Variants in IRF2 observed in about 807,000 individuals in gnomAD.
The protein encoded by IRF2 is interferon regulatory factor 2.
A neutral mutation model predicts 40.6 loss-of-function variants in IRF2; 15 were observed. The observed-to-expected ratio is 0.37, with a 90% CI of 0.25 to 0.57. The LOEUF (loss-of-function observed/expected upper bound fraction) is 0.57. Among genes scored for constraint, IRF2 ranks in the 20% least tolerant of loss-of-function variants. The pLI, the probability that IRF2 is intolerant of heterozygous loss-of-function variation, is 0.77. For missense variants in IRF2, 317 were observed against 455.7 expected, an observed-to-expected ratio of 0.70 and a Z score of 2.77; for synonymous variants, 151 against 165.5, an observed-to-expected ratio of 0.91 and a Z score of 0.67.
At chr4:184,456,110 A>G (rs573621744) in intron 1 of IRF2, among the ~76,000 whole-genome samples, 12 of 152,278 alleles carry the variant, frequency 7.9e-5, no homozygotes, top group African/African-American at 2.9e-4. Context: ...ACCATCACTG[A>G]TCACACTGAT....
chr4:184,443,783 C>A (rs2149910143), intron 1 of IRF2, among the ~76,000 whole-genome samples: 1 of 152,194 alleles, frequency 6.6e-6, no homozygotes, highest in Non-Finnish European at 1.5e-5. Flanking sequence ...TTTGAGAAAT[C>A]CAGGAGACAG....
chr4:184,407,221 T>C (rs1229608505), intron 6 of IRF2: 2 of 1,289,256 alleles, frequency 1.6e-6, no homozygotes, highest in Non-Finnish European at 2.0e-6. Context: ...CAATTCAGCA[T>C]GCTGCTGGCT....
intron 1 of IRF2, among the ~76,000 whole-genome samples, chr4:184,431,670 T>G (rs1034889698): frequency 4.0e-5 from 6 of 151,728 alleles, no homozygotes; most frequent in African/African-American, 1.2e-4. Context: ...TGGTCACGAG[T>G]AGAGAGCAAC....
chr4:184,424,683 T>C (rs1391832615), intron 2 of IRF2, among the ~76,000 whole-genome samples: 2 of 152,226 alleles, frequency 1.3e-5, no homozygotes, highest in Non-Finnish European at 2.9e-5. Context: ...CCTCCATAAC[T>C]GTAAGAAATA....
At chr4:184,390,660 C>A in intron 8 of IRF2, 43 bp downstream of exon 8, 1 of 1,606,228 alleles carries the variant, frequency 6.2e-7, no homozygotes. Flanking sequence ...GGTCGGGAGG[C>A]TTTTCCTTGG....
intron 7 of IRF2, among the ~76,000 whole-genome samples, chr4:184,395,193 C>A (rs943982772): frequency 6.6e-6 from 1 of 151,928 alleles, no homozygotes; most frequent in African/African-American, 2.4e-5. Context: ...GGGTGGATCA[C>A]GAGGTCAGGA....
chr4:184,422,803 G>T (rs777891094), intron 2 of IRF2, among the ~76,000 whole-genome samples: 16 of 152,168 alleles, frequency 1.1e-4, no homozygotes, highest in African/African-American at 3.4e-4. Context: ...CACAAGCTAG[G>T]GGGGAGGGAA....
At chr4:184,462,470 A>G (rs1252616093) in intron 1 of IRF2, among the ~76,000 whole-genome samples, 11 of 152,226 alleles carry the variant, frequency 7.2e-5, no homozygotes, top group Admixed American at 7.2e-4. Context: ...GCAACTGTAA[A>G]ATACTATACT....
In IRF2 at chr4:184,461,922, G is replaced by A. The variant is rs182469923; in HGVS notation, c.-7+12457C>T. Among the ~76,000 whole-genome samples, 7 of 152,140 alleles carry A rather than the reference G, an allele frequency of 4.6e-5. No homozygotes were observed. In the East Asian group the frequency reaches 7.7e-4, roughly 17 times the overall value. ...TCGCAGGCTTCCCAAGTTTCCACCC[G>A]CCTACAATGGAGAGAAGAAAGAGGA... is the stretch of plus-strand genomic sequence containing the variant. On this transcript the variant is annotated intron_variant, in intron 1 of 8. Transcript: ENST00000393593.
chr4:184,470,531 A>G (rs1739475408), intron 1 of IRF2, among the ~76,000 whole-genome samples: 1 of 152,086 alleles, frequency 6.6e-6, no homozygotes, highest in African/African-American at 2.4e-5. Context: ...AAATACAAAA[A>G]TTAGCCAGGC....
At position 184,419,398 on chromosome 4, in the gene IRF2, T is replaced by C. The variant is rs935340758; in HGVS notation, c.187+71A>G. On this transcript the variant is annotated intron_variant, in intron 3 of 8. Coordinates refer to ENST00000393593, the MANE Select transcript of IRF2 (RefSeq NM_002199.4). Reference sequence around the variant, plus strand: ...CTTCATGAGGTCATAAGCCAGGCTATTTTATGTGTAATAAAAACAAAACTA... The same window carrying C: ...CTTCATGAGGTCATAAGCCAGGCTACTTTATGTGTAATAAAAACAAAACTA... 12 of 1,034,954 alleles carry C rather than the reference T, an allele frequency of 1.2e-5. No homozygotes were observed. In the South Asian group the frequency reaches 1.5e-4, roughly 13 times the overall value. 64.1% of individuals were successfully genotyped at this position (1,034,954 alleles called of 1,614,324 possible). A position where few individuals can be genotyped will look rare whatever the true frequency, so the allele number is the denominator to read the frequency against.
At chr4:184,427,203 CTA>C (rs2149903364) in intron 2 of IRF2, among the ~76,000 whole-genome samples, 1 of 152,328 alleles carries the variant, frequency 6.6e-6, no homozygotes, top group Non-Finnish European at 1.5e-5. Flanking sequence ...ATCTAAAACA[CTA>C]TAGATAGAGC....
At chr4:184,407,203 T>C (rs1430818837) in intron 6 of IRF2, 1 of 1,289,452 alleles carries the variant, frequency 7.8e-7, no homozygotes. Context: ...AGCGGAGGCC[T>C]GTCAGGACAA....
intron 6 of IRF2, among the ~76,000 whole-genome samples, chr4:184,403,791 G>C (rs1340471382): frequency 2.6e-5 from 4 of 152,166 alleles, no homozygotes; most frequent in African/African-American, 7.2e-5. Context: ...AGAACTAATA[G>C]TGACATTTCT....
intron 1 of IRF2, among the ~76,000 whole-genome samples, chr4:184,449,896 G>A (rs1049146842): frequency 1.5e-4 from 23 of 152,158 alleles, no homozygotes; most frequent in African/African-American, 5.1e-4. Context: ...TGTGAATGGG[G>A]TCTCATTAAT....
At chr4:184,395,712 A>C (rs1413324948) in intron 7 of IRF2, among the ~76,000 whole-genome samples, 2 of 152,384 alleles carry the variant, frequency 1.3e-5, no homozygotes, top group Non-Finnish European at 2.9e-5. Flanking sequence ...TCCCTCCACG[A>C]GGTTCTGGAG....
chr4:184,402,653 C>T (rs1232720868), intron 6 of IRF2, among the ~76,000 whole-genome samples: 3 of 152,032 alleles, frequency 2.0e-5, no homozygotes, highest in Admixed American at 2.0e-4. Flanking sequence ...AGAGTGGAGT[C>T]CTGCAGGGGA....
At chr4:184,397,431 G>A (rs778100177) in intron 7 of IRF2, among the ~76,000 whole-genome samples, 1 of 152,152 alleles carries the variant, frequency 6.6e-6, no homozygotes, top group Non-Finnish European at 1.5e-5. Context: ...GGTGATGGCT[G>A]CGACAACATT....
At chr4:184,468,722 C>T (rs1246077756) in intron 1 of IRF2, among the ~76,000 whole-genome samples, 1 of 152,150 alleles carries the variant, frequency 6.6e-6, no homozygotes, top group Non-Finnish European at 1.5e-5. Flanking sequence ...GGCCACACAC[C>T]TGAGGGAGGC....
Sources: gnomAD v4.1 joint callset for allele counts (sites outside exome capture counted in the v4.1 genomes callset) on GRCh38, gnomAD v4.1.1 for gene constraint, MANE v1.5 for transcripts, NCBI Gene and HGNC (gene_info 2026-07-23, HGNC 2026-07-21) for gene names.